MED26: variants seen among roughly 807,000 people sequenced by gnomAD.
MED26 encodes mediator of RNA polymerase II transcription subunit 26.
A neutral mutation model predicts 43.7 loss-of-function variants in MED26; 7 were observed. The observed-to-expected ratio is 0.16, with a 90% CI of 0.09 to 0.30. The LOEUF (loss-of-function observed/expected upper bound fraction) is 0.30. Ranked by LOEUF, MED26 falls within the 10% of genes least tolerant of loss-of-function variation. The pLI, the probability that MED26 is intolerant of heterozygous loss-of-function variation, is 1.00. For missense variants in MED26, 784 were observed against 840.6 expected (o/e 0.93, Z 0.83); for synonymous variants, 375 against 371.1 (o/e 1.01, Z -0.12).
intron 1 of MED26, among the ~76,000 whole-genome samples, chr19:16,617,166 A>T (rs772347739): frequency 6.6e-6 from 1 of 152,180 alleles, no homozygotes; most frequent in Non-Finnish European, 1.5e-5. Flanking sequence ...CAGCGTGTCC[A>T]GAGAGGCAAT....
intron 1 of MED26, among the ~76,000 whole-genome samples, chr19:16,617,431 G>C (rs1599348179): frequency 1.3e-5 from 2 of 152,160 alleles, no homozygotes; most frequent in African/African-American, 4.8e-5. Context: ...AACCAAGCCA[G>C]AGTGTGTCTC....
At chr19:16,605,535 A>G (rs2086168613) in intron 1 of MED26, among the ~76,000 whole-genome samples, 1 of 152,244 alleles carries the variant, frequency 6.6e-6, no homozygotes, top group South Asian at 2.1e-4. Flanking sequence ...TGAGGCAGGT[A>G]GGATTGGCCA....
chr19:16,627,785 C>A, intron 1 of MED26, 87 bp downstream of exon 1: 1 of 1,008,610 alleles, frequency 9.9e-7, no homozygotes. Flanking sequence ...ACGGGTCCCC[C>A]GAAGCCCGGT....
intron 1 of MED26, among the ~76,000 whole-genome samples, chr19:16,601,258 C>T (rs1032367773): frequency 6.6e-6 from 1 of 151,716 alleles, no homozygotes; most frequent in Non-Finnish European, 1.5e-5. Context: ...TGGATTCAAG[C>T]GATTCTCCTG....
chr19:16,627,084 GA>G (rs909850866), intron 1 of MED26, among the ~76,000 whole-genome samples: 5 of 152,198 alleles, frequency 3.3e-5, no homozygotes, highest in Non-Finnish European at 5.9e-5. Context: ...CCAGGTGAGG[GA>G]AAGAGCCTAC....
At position 16,575,879 on chromosome 19, in the gene MED26, C is replaced by T. The variant is rs1162823322; in HGVS notation, c.*148G>A. Reference sequence around the variant, plus strand: ...TTGAGGGAAGAGCGCAGAGAGACCGCGTGACTCCCGCCCCCTCCCTCCCGC... The same window carrying T: ...TTGAGGGAAGAGCGCAGAGAGACCGTGTGACTCCCGCCCCCTCCCTCCCGC... On this transcript the variant is annotated 3_prime_UTR_variant, in exon 3 of 3. Transcript: ENST00000263390. The T allele has an allele frequency of 3.8e-5, 25 of 651,190 alleles. No homozygotes were observed. Among genetic ancestry groups the T allele is most frequent in the Non-Finnish European group, 4.5e-5 (17 of 379,132 alleles). 40.3% of individuals were successfully genotyped at this position (651,190 alleles called of 1,614,324 possible). A position where few individuals can be genotyped will look rare whatever the true frequency, so the allele number is the denominator to read the frequency against.
Position 16,627,959 on chromosome 19 carries a change from G to T in MED26, c.-16C>A, listed in dbSNP as rs1233406330. 1.4e-6 allele frequency: 2 copies of T among 1,446,558 alleles called. No individual in the cohort carries two copies. The highest frequency in any genetic ancestry group is 2.3e-4 in the Middle Eastern group (1 of 4,300). The allele number at this position is 1,446,558 out of a possible 1,614,324, so 89.6% of individuals were successfully genotyped here. A position where few individuals can be genotyped will look rare whatever the true frequency, so the allele number is the denominator to read the frequency against. The stretch of plus-strand genomic sequence containing the variant: ...CCGCTGTCATTGCCTGGGCGAGGCG[G>T]GGGGTTGCGGCCGGGCCAGCGGGCG... On this transcript the variant is annotated 5_prime_UTR_variant, in exon 1 of 3. Transcript: ENST00000263390.
chr19:16,597,600 C>T (rs2122414703), intron 1 of MED26: 1 of 396,578 alleles, frequency 2.5e-6, no homozygotes, highest in Non-Finnish European at 4.4e-6. Context: ...TGAGTTCACC[C>T]TCTCTCTCCT....
At chr19:16,609,336 A>AAAAAAAGAGAGAGAG (rs765489188) in intron 1 of MED26, among the ~76,000 whole-genome samples, 8 of 142,376 alleles carry the variant, frequency 5.6e-5, no homozygotes, top group South Asian at 2.3e-4. Flanking sequence ...AAAAAAAAAA[A>AAAAAAAGAGAGAGAG]AGAGAGAGAA....
intron 1 of MED26, among the ~76,000 whole-genome samples, chr19:16,605,322 G>T (rs1053717212): frequency 1.3e-5 from 2 of 152,178 alleles, no homozygotes; most frequent in African/African-American, 4.8e-5. Context: ...CAGCTGAGAG[G>T]AAAGTCCCTA....
chr19:16,618,701 C>T (rs559227616), intron 1 of MED26, among the ~76,000 whole-genome samples: 1 of 152,330 alleles, frequency 6.6e-6, no homozygotes, highest in East Asian at 1.9e-4. Context: ...CACTATTCTT[C>T]TCCCGTTAAC....
At chr19:16,607,191 T>TA (rs149388407) in intron 1 of MED26, among the ~76,000 whole-genome samples, 13,647 of 151,730 alleles carry the variant, frequency 0.09, 709 homozygotes, top group Admixed American at 0.12. Context: ...AATAAATAGA[T>TA]AATAAAAATA....
chr19:16,590,361 C>T (rs1389231588), intron 1 of MED26, among the ~76,000 whole-genome samples: 2 of 152,380 alleles, frequency 1.3e-5, no homozygotes, highest in South Asian at 2.1e-4. Context: ...AGCCAGCACA[C>T]ACCTGCCTCC....
At chr19:16,600,575 G>A (rs567286490) in intron 1 of MED26, among the ~76,000 whole-genome samples, 4 of 152,170 alleles carry the variant, frequency 2.6e-5, no homozygotes, top group African/African-American at 9.6e-5. Context: ...CAGCTCCCTG[G>A]GTTCTCAGCC....
At position 16,611,244 on chromosome 19, in the gene MED26, T is replaced by C. The variant is rs1392605619; in HGVS notation, c.72+16628A>G. 2.0e-5 allele frequency: 3 copies of C among 152,246 alleles called. 1 individual carries two copies. The highest frequency in any genetic ancestry group is 4.4e-5 in the Non-Finnish European group (3 of 68,088). 9.4% of individuals were successfully genotyped at this position (152,246 alleles called of 1,614,324 possible). On this transcript the variant is annotated intron_variant, in intron 1 of 2. Coordinates refer to ENST00000263390, the MANE Select transcript of MED26 (RefSeq NM_004831.5). Reference sequence around the variant, plus strand: ...GAGGCATGGACCACTCCAGGGTGTTTAGCAGAGCCATGGGGTGTGGCTTCA... The same window carrying C: ...GAGGCATGGACCACTCCAGGGTGTTCAGCAGAGCCATGGGGTGTGGCTTCA...
intron 1 of MED26, among the ~76,000 whole-genome samples, chr19:16,621,370 T>C (rs2086250874): frequency 6.6e-6 from 1 of 152,220 alleles, no homozygotes. Flanking sequence ...CGGCTGTTCG[T>C]CTTGCAGCCT....
In MED26 at chr19:16,575,937, A is replaced by C; in HGVS notation, c.*90T>G. On this transcript the variant is annotated 3_prime_UTR_variant, in exon 3 of 3. Transcript: ENST00000263390. ...GGACTCCCCGAGTTCCCAGCGCAGG[A>C]GGCAGCTGGGCCCCGGCCACCTGCC... is the stretch of plus-strand genomic sequence containing the variant. 2.7e-6 allele frequency: 3 copies of C among 1,124,830 alleles called. No homozygotes were observed. Among genetic ancestry groups the C allele is most frequent in the Non-Finnish European group, 2.5e-6 (2 of 784,496 alleles). 69.7% of individuals were successfully genotyped at this position (1,124,830 alleles called of 1,614,324 possible). A position where few individuals can be genotyped will look rare whatever the true frequency, so the allele number is the denominator to read the frequency against.
intron 1 of MED26, among the ~76,000 whole-genome samples, chr19:16,619,399 G>A (rs1311694291): frequency 6.6e-6 from 1 of 152,194 alleles, no homozygotes; most frequent in Non-Finnish European, 1.5e-5. Context: ...TCACCCTGGG[G>A]GGAACGAGGA....
In MED26 at chr19:16,628,137, A is replaced by C; in HGVS notation, c.-194T>G. 2.7e-6 allele frequency: 1 copy of C among 369,270 alleles called. No homozygotes were observed. The highest frequency in any genetic ancestry group is 4.8e-6 in the Non-Finnish European group (1 of 209,674). The allele number at this position is 369,270 out of a possible 1,614,324, so 22.9% of individuals were successfully genotyped here. A position where few individuals can be genotyped will look rare whatever the true frequency, so the allele number is the denominator to read the frequency against. ...TCGGTCCCGGGCCGCCGCCGCCACC[A>C]AAGGAGGAGGAGGAGCCGCCGGAGC... On this transcript the variant is annotated 5_prime_UTR_variant, in exon 1 of 3. Transcript: ENST00000263390.
Sources: allele counts gnomAD v4.1 joint callset (sites outside exome capture counted in the v4.1 genomes callset), GRCh38; gene constraint gnomAD v4.1.1; transcripts MANE v1.5; gene names NCBI Gene and HGNC (gene_info 2026-07-23, HGNC 2026-07-21).